Variants in KANK2 observed in about 807,000 individuals in gnomAD.
KANK2 encodes KN motif and ankyrin repeat domains 2, also known as KN motif and ankyrin repeat domain-containing protein 2.
Under a neutral mutation model 74.6 loss-of-function variants are expected in KANK2, and 41 were observed. The ratio of observed to expected loss-of-function variants is 0.55; its 90% confidence interval spans 0.43 to 0.71. The LOEUF is 0.71. Among genes scored for constraint, KANK2 ranks in the 30% least tolerant of loss-of-function variants. The pLI, the probability that KANK2 is intolerant of heterozygous loss-of-function variation, is 0.00. For missense variants in KANK2, 1,148 were observed against 1,196.4 expected (o/e 0.96, Z 0.60); for synonymous variants, 537 against 519.0 (o/e 1.03, Z -0.47).
At chr19:11,190,986 C>T (rs567631724) in intron 4 of KANK2, among the ~76,000 whole-genome samples, 14 of 151,364 alleles carry the variant, frequency 9.2e-5, no homozygotes, top group Admixed American at 7.3e-4. Flanking sequence ...CTGCCTCTGC[C>T]TCCCAAAGTG....
chr19:11,167,804 A>G (rs2078064482), intron 12 of KANK2, among the ~76,000 whole-genome samples: 1 of 151,968 alleles, frequency 6.6e-6, no homozygotes, highest in Non-Finnish European at 1.5e-5. Context: ...CTGGGATTAC[A>G]GGCGTGAACC....
Position 11,170,551 on chromosome 19 carries a change from A to G in KANK2, c.2212-303T>C. On this transcript the variant is annotated intron_variant, in intron 10 of 12. Transcript: ENST00000586659. The surrounding 1 kb of genome is among the most constrained non-coding windows in gnomAD (Gnocchi z 5.2). ...ACTAGACGGAGGTGTTGGTTGCACA[A>G]CAGGGTGAATGTATTTCATGCCAGT... is the stretch of plus-strand genomic sequence containing the variant. The G allele has an allele frequency of 2.1e-6, 1 of 471,828 alleles. No homozygotes were observed. The highest frequency in any genetic ancestry group is 3.7e-5 in the Admixed American group (1 of 26,904). 29.2% of individuals were successfully genotyped at this position (471,828 alleles called of 1,614,324 possible).
Position 11,178,557 on chromosome 19 carries a change from GC to G in KANK2, c.1412del (p.Gly471AlafsTer13), listed in dbSNP as rs1412302153. ...TGGCGGCCACCCACCACTTACCGGT[GC>G]CCCCGGCCTCCTCGGACTCTTGGGA... ...AASQESEEAG[G>X]TGGPPAGVRS... On this transcript the variant is annotated frameshift_variant, in exon 5 of 13. Coordinates refer to ENST00000586659, the MANE Select transcript of KANK2 (RefSeq NM_001136191.3). LOFTEE classifies it high-confidence loss of function. 4.4e-6 allele frequency: 7 copies of G among 1,603,276 alleles called. No homozygotes were observed. The highest frequency in any genetic ancestry group is 1.7e-5 in the Admixed American group (1 of 58,082).
chr19:11,184,420 TG>T, intron 4 of KANK2, among the ~76,000 whole-genome samples: 1 of 150,068 alleles, frequency 6.7e-6, no homozygotes, highest in East Asian at 1.9e-4. Flanking sequence ...GAGATCCTCA[TG>T]GGTGCGGTGG....
At chr19:11,173,148 A>G (rs775048871) in intron 9 of KANK2, 25 bp from the exon 10 acceptor site, 5 of 1,600,728 alleles carry the variant, frequency 3.1e-6, no homozygotes, top group South Asian at 1.1e-5. Flanking sequence ...GTGAACCCTC[A>G]GACCAGGGAT....
At chr19:11,174,107 C>T (rs1168882641) in intron 9 of KANK2, among the ~76,000 whole-genome samples, 1 of 149,326 alleles carries the variant, frequency 6.7e-6, no homozygotes, top group Non-Finnish European at 1.5e-5. Flanking sequence ...AGGGCCACAT[C>T]CCCACCACAA....
chr19:11,183,582 C>G (rs1011315602), intron 4 of KANK2, among the ~76,000 whole-genome samples: 1 of 152,068 alleles, frequency 6.6e-6, no homozygotes, highest in Admixed American at 6.6e-5. Flanking sequence ...TCGAACTCCT[C>G]GGCTCAAGTG....
intron 12 of KANK2, among the ~76,000 whole-genome samples, chr19:11,167,273 C>G (rs2078049335): frequency 6.6e-6 from 1 of 152,072 alleles, no homozygotes; most frequent in South Asian, 2.1e-4. Context: ...CCATGTTGGT[C>G]AGTCTGGTCT....
chr19:11,191,283 C>G lies in KANK2; in HGVS notation c.1249+1548G>C, dbSNP rs1408279374. Among the ~76,000 whole-genome samples, 3 of 152,114 alleles carry G rather than the reference C, an allele frequency of 2.0e-5. No individual in the cohort carries two copies. The East Asian group carries it at 5.8e-4, about 29-fold the overall frequency. ...CTTGAACTCCTGGCCTCAAGCGATC[C>G]ACCTGCCTTGGCCTCCAAAGTGTGG... On this transcript the variant is annotated intron_variant, in intron 4 of 12. Coordinates refer to ENST00000586659, the MANE Select transcript of KANK2 (RefSeq NM_001136191.3).
At chr19:11,182,840 CAAA>C (rs36229477) in intron 4 of KANK2, among the ~76,000 whole-genome samples, 2 of 62,966 alleles carry the variant, frequency 3.2e-5, no homozygotes, top group Non-Finnish European at 6.5e-5. Context: ...CAGACTGCCT[CAAA>C]AAAAAAAAAA....
chr19:11,170,877 A>C lies in KANK2; in HGVS notation c.2212-629T>G, dbSNP rs139817529. The stretch of plus-strand genomic sequence containing the variant: ...TCGCTCTGTCACCAGGCTGGAGTGC[A>C]GTGGCGCAATCTCGGCTCACTGCAA... On this transcript the variant is annotated intron_variant, in intron 10 of 12. Transcript: ENST00000586659. The surrounding 1 kb of genome is among the most constrained non-coding windows in gnomAD (Gnocchi z 5.2). Among the ~76,000 whole-genome samples the C allele has an allele frequency of 7.0e-3, 1,071 of 152,202 alleles. 36 individuals carry two copies. Among genetic ancestry groups the C allele is most frequent in the East Asian group, 0.054 (277 of 5,172 alleles).
rs2077984599 is a variant in KANK2 at position 11,164,731 on chromosome 19, CA to C, written c.*1826del. 1 of 81,814 alleles carries C rather than the reference CA, an allele frequency of 1.2e-5. No homozygotes were observed. The highest frequency in any genetic ancestry group is 3.3e-5 in the Non-Finnish European group (1 of 30,136). 5.1% of individuals were successfully genotyped at this position (81,814 alleles called of 1,614,324 possible). On this transcript the variant is annotated 3_prime_UTR_variant, in exon 13 of 13. Transcript: ENST00000586659. ...CTATTCATCCATCCATCCATCCATCCATCCATCCATCCATCCATCCATCCAT... is the reference window on the plus strand; with the variant it reads ...CTATTCATCCATCCATCCATCCATCCTCCATCCATCCATCCATCCATCCAT...
At chr19:11,176,448 G>C (rs1194604250) in intron 7 of KANK2, 130 bp downstream of exon 7, 15 of 1,061,166 alleles carry the variant, frequency 1.4e-5, no homozygotes, top group Admixed American at 2.7e-5. Context: ...GCAAGTGCTC[G>C]TTTGCTAATT....
upstream of KANK2, chr19:11,197,800 C>G (rs535989388): frequency 0.015 from 787 of 51,004 alleles, 4 homozygotes; most frequent in Non-Finnish European, 0.026. Context: ...CTGCCGGCCT[C>G]CCCCCCACCG....
chr19:11,195,650 TCTTG>T lies in KANK2; in HGVS notation c.-112_-109del, dbSNP rs1201548855. ...AGCTTGTCCTTGTTCTCCCGTCCTG[TCTTG>T]CTTTGTCTCTCTCCAAGTCTCTCTG... On this transcript the variant is annotated 5_prime_UTR_variant, in exon 2 of 13. Coordinates refer to ENST00000586659, the MANE Select transcript of KANK2 (RefSeq NM_001136191.3). 6.6e-6 allele frequency: 1 copy of T among 152,242 alleles called. No individual in the cohort carries two copies. The highest frequency in any genetic ancestry group is 2.4e-5 in the African/African-American group (1 of 41,292). 9.4% of individuals were successfully genotyped at this position (152,242 alleles called of 1,614,324 possible).
In KANK2 at chr19:11,173,097, G is replaced by C. The variant is rs143339573; in HGVS notation, c.2095C>G (p.Arg699Gly). The C allele has an allele frequency of 3.1e-6, 5 of 1,613,622 alleles. No homozygotes were observed. The highest frequency in any genetic ancestry group is 4.2e-6 in the Non-Finnish European group (5 of 1,179,826). The part of the protein sequence containing the change: ...SGVCKVDKQN[R>G]AGYSPIMLTA... The stretch of plus-strand genomic sequence containing the variant: ...AGCATAATAGGGCTGTAGCCAGCAC[G>C]GTTCTGTTTGTCCACCTTGCAGACA... Residue 699 changes from arginine to glycine, a missense_variant, in exon 10 of 13, where the codon CGT (arginine) becomes GGT (glycine). Physicochemically the swap from Arg to Gly is moderately radical, Grantham distance 125 (BLOSUM62 -2). Transcript: ENST00000586659.
At chr19:11,177,093 C>CGT (rs562968112) in intron 6 of KANK2, among the ~76,000 whole-genome samples, 3 of 104,770 alleles carry the variant, frequency 2.9e-5, no homozygotes, top group African/African-American at 4.0e-5. Context: ...ACTCACCCTC[C>CGT]TTTTTTTTTT....
intron 4 of KANK2, among the ~76,000 whole-genome samples, chr19:11,190,658 G>GCTCA (rs2078816019): frequency 1.3e-5 from 2 of 152,160 alleles, no homozygotes; most frequent in South Asian, 4.1e-4. Context: ...AGGTGATGTT[G>GCTCA]CTCACCAGTA....
At chr19:11,180,870 G>C (rs2078493730) in intron 4 of KANK2, among the ~76,000 whole-genome samples, 1 of 151,870 alleles carries the variant, frequency 6.6e-6, no homozygotes, top group African/African-American at 2.4e-5. Context: ...TGGGTCACTT[G>C]AAGTCAGGAA....
Sources: allele counts gnomAD v4.1 joint callset (sites outside exome capture counted in the v4.1 genomes callset), GRCh38; gene constraint gnomAD v4.1.1; non-coding constraint Gnocchi (gnomAD v3.1); transcripts MANE v1.5; gene names NCBI Gene and HGNC (gene_info 2026-07-23, HGNC 2026-07-21).